Variants in PCGF3 observed in about 807,000 individuals in gnomAD.
The protein encoded by PCGF3 is polycomb group ring finger 3.
PCGF3 carries 7 observed loss-of-function variants against 33.1 expected under a neutral mutation model. The ratio of observed to expected loss-of-function variants is 0.21; its 90% CI spans 0.12 to 0.40. The LOEUF (loss-of-function observed/expected upper bound fraction) is 0.40, where lower values mean the gene tolerates loss of function less well. Among genes scored for constraint, PCGF3 ranks in the 10% least tolerant of loss-of-function variants. The probability of loss-of-function intolerance (pLI) is 1.00; values close to 1 mark genes in which losing one functional copy is unlikely to be tolerated. For missense variants in PCGF3, 211 were observed against 313.3 expected (o/e 0.67, Z 2.46); for synonymous variants, 153 against 121.3 (o/e 1.26, Z -1.72).
chr4:722,411 G>A lies in PCGF3; in HGVS notation c.-189-8219G>A, dbSNP rs534043049. On this transcript the variant is annotated intron_variant, in intron 1 of 10. Transcript: ENST00000362003. ...TGCCCCAGGCAGCGGCGTGGCTGGC[G>A]TGCGGAGTGTTTTGGGGGTGTCTGA... is the stretch of plus-strand genomic sequence containing the variant. 15 of 208,328 alleles carry A rather than the reference G, an allele frequency of 7.2e-5. No homozygotes were observed. The East Asian group carries it at 1.6e-3, about 23-fold the overall frequency. 12.9% of individuals were successfully genotyped at this position (208,328 alleles called of 1,614,324 possible).
intron 9 of PCGF3, among the ~76,000 whole-genome samples, chr4:763,768 A>G (rs1745200958): frequency 6.6e-6 from 1 of 152,248 alleles, no homozygotes; most frequent in Non-Finnish European, 1.5e-5. Flanking sequence ...TGTTGATAGC[A>G]TCTTTCTTCA....
exon 11 of PCGF3, chr4:768,573 C>G (rs1237898412): frequency 6.6e-6 from 1 of 152,028 alleles, no homozygotes; most frequent in Non-Finnish European, 1.5e-5. Context: ...GCGTCGTTTT[C>G]AACAGCAGTG....
At chr4:734,002 C>T (rs547982800) in intron 4 of PCGF3, 1 of 1,551,020 alleles carries the variant, frequency 6.4e-7, no homozygotes, top group Admixed American at 2.0e-5. Context: ...TGAGGCCTCG[C>T]TTAGGAGAGC....
At chr4:722,147 C>G (rs772729035) in intron 1 of PCGF3, 1 of 154,948 alleles carries the variant, frequency 6.5e-6, no homozygotes, top group African/African-American at 2.4e-5. Context: ...CCCACAGACA[C>G]GGACACGTCC....
In PCGF3 at chr4:730,733, A is replaced by G. The variant is rs553144405; in HGVS notation, c.-151+65A>G. The G allele has an allele frequency of 5.0e-5, 16 of 320,288 alleles. 1 individual carries two copies. The South Asian group carries it at 2.2e-3, about 45-fold the overall frequency. 19.8% of individuals were successfully genotyped at this position (320,288 alleles called of 1,614,324 possible). On this transcript the variant is annotated intron_variant, in intron 2 of 10. Coordinates refer to ENST00000362003, the Ensembl canonical transcript of PCGF3. ...CTGTGAACTGCCGGACTCCGCCGGG[A>G]CCACGCTTTGTGCATGTGGTCGGCG...
chr4:707,698 GGCCGGGACCCTGAGACAGCTCT>G (rs1742381628), intron 1 of PCGF3, among the ~76,000 whole-genome samples: 1 of 124,394 alleles, frequency 8.0e-6, no homozygotes, highest in African/African-American at 2.9e-5. Flanking sequence ...TTCCCCTGGG[GGCCGGGACCCTGAGACAGCTCT>G]GTTTTCACCT....
chr4:743,033 C>T (rs965385165), intron 6 of PCGF3, among the ~76,000 whole-genome samples: 28 of 152,370 alleles, frequency 1.8e-4, no homozygotes, highest in African/African-American at 6.7e-4. Flanking sequence ...AGGTTCATCT[C>T]TGAGCTGCGG....
At chr4:717,080 G>A (rs71604310) in intron 1 of PCGF3, among the ~76,000 whole-genome samples, 24 of 119,618 alleles carry the variant, frequency 2.0e-4, no homozygotes, top group South Asian at 3.3e-4. Context: ...TAGACACTGA[G>A]TGTGAGAACT....
chr4:706,090 G>C (rs1282804598), intron 1 of PCGF3, 120 bp downstream of exon 1: 2 of 154,444 alleles, frequency 1.3e-5, no homozygotes, highest in African/African-American at 4.8e-5. Flanking sequence ...CGTCCCCGTC[G>C]GCCTGGCCCG....
chr4:714,047 G>A (rs1222464090), intron 1 of PCGF3, among the ~76,000 whole-genome samples: 1 of 152,160 alleles, frequency 6.6e-6, no homozygotes, highest in Non-Finnish European at 1.5e-5. Context: ...TAACCCCCAA[G>A]GTGTCAGTGT....
At chr4:731,036 C>G (rs962118104) in exon 3 of PCGF3, 1 of 398,482 alleles carries the variant, frequency 2.5e-6, no homozygotes, top group African/African-American at 2.1e-5. Context: ...AGCCAGGAGG[C>G]AGCGTCGCGT....
At chr4:755,604 G>C (rs1744734318) in intron 8 of PCGF3, among the ~76,000 whole-genome samples, 3 of 152,092 alleles carry the variant, frequency 2.0e-5, no homozygotes, top group South Asian at 4.1e-4. Flanking sequence ...CCCATTCTAA[G>C]GTCATAAATA....
intron 10 of PCGF3, among the ~76,000 whole-genome samples, chr4:765,423 ACT>A (rs567051552): frequency 4.0e-4 from 47 of 118,446 alleles, no homozygotes; most frequent in East Asian, 2.3e-3. Flanking sequence ...ACAGAGGGAG[ACT>A]CTGTCTCAAA....
chr4:727,428 G>A (rs1355542926), intron 1 of PCGF3, among the ~76,000 whole-genome samples: 3 of 151,862 alleles, frequency 2.0e-5, no homozygotes, highest in Non-Finnish European at 4.4e-5. Flanking sequence ...TTTTAGTAGA[G>A]ACAGAGCTTC....
intron 8 of PCGF3, chr4:757,187 C>G (rs1431122188): frequency 6.6e-6 from 1 of 151,890 alleles, no homozygotes; most frequent in Middle Eastern, 3.2e-3. Context: ...CCACCCCCGC[C>G]CATGTGTGTC....
At chr4:722,669 T>C (rs1274068320) in intron 1 of PCGF3, among the ~76,000 whole-genome samples, 2 of 65,536 alleles carry the variant, frequency 3.1e-5, no homozygotes, top group African/African-American at 7.1e-5. Flanking sequence ...ATCACCTGTC[T>C]GCGCTGGGTC....
At chr4:714,841 A>C (rs2109524344) in intron 1 of PCGF3, among the ~76,000 whole-genome samples, 1 of 152,342 alleles carries the variant, frequency 6.6e-6, no homozygotes, top group South Asian at 2.1e-4. Context: ...TGGGACCTTA[A>C]TTACAGCTTC....
At chr4:765,726 T>C (rs544704187) in intron 10 of PCGF3, among the ~76,000 whole-genome samples, 7 of 151,438 alleles carry the variant, frequency 4.6e-5, no homozygotes, top group Admixed American at 6.6e-5. Flanking sequence ...GGCCAGAGGG[T>C]TTGAGGGAGA....
chr4:735,114 T>C, intron 5 of PCGF3, 87 bp downstream of exon 5: 4 of 1,401,460 alleles, frequency 2.9e-6, no homozygotes, highest in African/African-American at 1.4e-5. Context: ...CCATTAGCGC[T>C]GTACTCCCAT....
Sources: allele counts gnomAD v4.1 joint callset (sites outside exome capture counted in the v4.1 genomes callset), GRCh38; gene constraint gnomAD v4.1.1; transcripts MANE v1.5; gene names NCBI Gene and HGNC (gene_info 2026-07-23, HGNC 2026-07-21).